Variants in DOP1B observed in about 807,000 individuals in gnomAD.
DOP1B encodes the protein protein DOP1B.
Under a neutral mutation model 233.5 loss-of-function variants are expected in DOP1B, and 174 were observed. That is an observed-to-expected ratio of 0.75 (90% confidence interval 0.66 to 0.85). The LOEUF is 0.85. DOP1B is among the 40% of genes least tolerant of loss of function. The pLI, the probability that DOP1B is intolerant of heterozygous loss-of-function variation, is 0.00. For synonymous variants in DOP1B, 1,190 were observed against 1,185.6 expected, an observed-to-expected ratio of 1.00 and a Z score of -0.08; for missense variants, 2,652 against 2,846.6, an observed-to-expected ratio of 0.93 and a Z score of 1.56.
intron 2 of DOP1B, among the ~76,000 whole-genome samples, chr21:36,191,656 C>A (rs60995147): frequency 1.3e-5 from 2 of 151,838 alleles, no homozygotes; most frequent in Non-Finnish European, 1.5e-5. Context: ...CATGGTGGCA[C>A]GTGCCTGTAA....
intron 2 of DOP1B, among the ~76,000 whole-genome samples, chr21:36,171,132 G>A (rs1461252587): frequency 6.6e-6 from 1 of 152,232 alleles, no homozygotes; most frequent in Non-Finnish European, 1.5e-5. Context: ...CAGTGGCAGA[G>A]AGAGGGCTCA....
chr21:36,233,924 G>A (rs1294289465), intron 15 of DOP1B, among the ~76,000 whole-genome samples: 3 of 152,114 alleles, frequency 2.0e-5, no homozygotes, highest in Non-Finnish European at 4.4e-5. Flanking sequence ...CACGATCTCG[G>A]CTCACTGCAA....
intron 33 of DOP1B, among the ~76,000 whole-genome samples, chr21:36,288,431 G>T (rs2067514079): frequency 6.6e-6 from 1 of 152,080 alleles, no homozygotes; most frequent in Non-Finnish European, 1.5e-5. Context: ...GGTAGCTTAT[G>T]CCTGTAATCC....
chr21:36,253,748 A>C (rs375634486), intron 22 of DOP1B, 24 bp from the exon 23 acceptor site: 3 of 1,608,518 alleles, frequency 1.9e-6, no homozygotes, highest in Non-Finnish European at 2.5e-6. Context: ...TAAGCTTTCA[A>C]GGAACTTTTT....
intron 1 of DOP1B, among the ~76,000 whole-genome samples, chr21:36,159,107 G>A (rs1435636833): frequency 6.6e-6 from 1 of 151,814 alleles, no homozygotes; most frequent in Non-Finnish European, 1.5e-5. Flanking sequence ...ACCCCAGCCT[G>A]GGTGACAAGA....
chr21:36,272,087 T>C (rs2067295268), intron 27 of DOP1B, among the ~76,000 whole-genome samples: 2 of 152,274 alleles, frequency 1.3e-5, no homozygotes, highest in East Asian at 1.9e-4. Flanking sequence ...CAGTTTTATT[T>C]AATACAGGAA....
intron 2 of DOP1B, among the ~76,000 whole-genome samples, chr21:36,172,029 C>T (rs563790073): frequency 5.3e-5 from 8 of 152,210 alleles, no homozygotes; most frequent in Non-Finnish European, 7.4e-5. Flanking sequence ...ACACTGACAG[C>T]GTGACCTTAA....
chr21:36,272,646 T>C, intron 27 of DOP1B, among the ~76,000 whole-genome samples: 1 of 103,694 alleles, frequency 9.6e-6, no homozygotes, highest in African/African-American at 3.9e-5. Context: ...CCAAACTCCA[T>C]CTCAAAAAAA....
chr21:36,219,806 T>G (rs892266002), intron 10 of DOP1B, among the ~76,000 whole-genome samples: 1 of 151,600 alleles, frequency 6.6e-6, no homozygotes, highest in Non-Finnish European at 1.5e-5. Flanking sequence ...TGAAACTCGT[T>G]TAACAAAGGC....
chr21:36,281,101 C>G (rs769553084), intron 31 of DOP1B, among the ~76,000 whole-genome samples: 1 of 152,080 alleles, frequency 6.6e-6, no homozygotes, highest in Non-Finnish European at 1.5e-5. Context: ...CCCAGGGGTT[C>G]AAGACCAGCC....
intron 31 of DOP1B, 89 bp downstream of exon 31, chr21:36,280,435 T>G: frequency 1.1e-6 from 1 of 907,622 alleles, no homozygotes; most frequent in Non-Finnish European, 1.7e-6. Context: ...CGAACCCTAC[T>G]CACACTTTCA....
intron 27 of DOP1B, among the ~76,000 whole-genome samples, chr21:36,276,395 G>T (rs1166604338): frequency 6.6e-6 from 1 of 152,044 alleles, no homozygotes; most frequent in East Asian, 1.9e-4. Context: ...CCTGGGCGTG[G>T]TGATGTGTGC....
At chr21:36,172,515 A>T (rs986942981) in intron 2 of DOP1B, among the ~76,000 whole-genome samples, 2 of 152,208 alleles carry the variant, frequency 1.3e-5, no homozygotes, top group Admixed American at 1.3e-4. Context: ...TAATCCTAGC[A>T]CTTTGGGAGG....
chr21:36,207,246 G>A (rs1006175086), intron 4 of DOP1B, among the ~76,000 whole-genome samples: 4 of 149,830 alleles, frequency 2.7e-5, no homozygotes, highest in African/African-American at 7.4e-5. Flanking sequence ...GTGCAGTGAC[G>A]GCCTCTCGGC....
chr21:36,257,490 G>A (rs565602943), intron 23 of DOP1B, among the ~76,000 whole-genome samples: 10 of 152,346 alleles, frequency 6.6e-5, no homozygotes, highest in East Asian at 3.9e-4. Context: ...CTTATGAACC[G>A]TAGTCAGATT....
Position 36,245,232 on chromosome 21 carries a change from G to A in DOP1B, c.3252G>A (p.Leu1084=). 6.2e-7 allele frequency: 1 copy of A among 1,614,110 alleles called. No homozygotes were observed. Among genetic ancestry groups the A allele is most frequent in the Non-Finnish European group, 8.5e-7 (1 of 1,180,042 alleles). The stretch of plus-strand genomic sequence containing the variant: ...AGAAGTACCCGCTGCGAGGCGAGCT[G>A]AGCGAGGAAGAGCTGCCCTACTACG... ...EPEKYPLRGE[L]SEEELPYYVE... Residue 1084 remains leucine (L), a synonymous_variant, in exon 19 of 37, where the codon CTG becomes CTA. Coordinates refer to ENST00000691173, the MANE Select transcript of DOP1B (RefSeq NM_001320714.2). The surrounding 1 kb of genome is among the most constrained non-coding windows in gnomAD (Gnocchi z 5.5).
intron 2 of DOP1B, among the ~76,000 whole-genome samples, chr21:36,173,109 G>A (rs146157150): frequency 1.7e-4 from 26 of 152,268 alleles, no homozygotes; most frequent in Admixed American, 5.9e-4. Context: ...GACAGAGGAA[G>A]ACTCTGTCTC....
chr21:36,280,229 G>T, intron 30 of DOP1B, 56 bp from the exon 31 acceptor site: 1 of 1,272,198 alleles, frequency 7.9e-7, no homozygotes, highest in South Asian at 1.3e-5. Flanking sequence ...TTAATGTTTT[G>T]AATCAAACTA....
intron 2 of DOP1B, among the ~76,000 whole-genome samples, chr21:36,166,297 C>T (rs948138207): frequency 1.3e-5 from 2 of 151,852 alleles, no homozygotes; most frequent in Non-Finnish European, 1.5e-5. Context: ...ATTAGCCGGG[C>T]GTGGTGGCGA....
Sources: gnomAD v4.1 joint callset for allele counts (sites outside exome capture counted in the v4.1 genomes callset) on GRCh38, gnomAD v4.1.1 for gene constraint, Gnocchi (gnomAD v3.1) non-coding constraint, MANE v1.5 for transcripts, NCBI Gene and HGNC (gene_info 2026-07-23, HGNC 2026-07-21) for gene names.